The following SKOR2 variants were observed in gnomAD, a reference collection of about 807,000 sequenced individuals.
SKOR2 encodes SKI family transcriptional corepressor 2, also known as LBX1 corepressor 1-like protein.
SKOR2 carries 47 observed loss-of-function variants against 69.1 expected under a neutral mutation model. The observed-to-expected ratio is 0.68, with a 90% CI of 0.54 to 0.87. The LOEUF (loss-of-function observed/expected upper bound fraction) is 0.87. Ranked by LOEUF, SKOR2 falls within the 40% of genes least tolerant of loss-of-function variation. The pLI, the probability that SKOR2 is intolerant of heterozygous loss-of-function variation, is 0.00. For synonymous variants in SKOR2, 717 were observed against 672.6 expected (o/e 1.07, Z -1.02); for missense variants, 1,404 against 1,472.2 (o/e 0.95, Z 0.76).
chr18:47,220,216 A>C (rs1377355827), intron 6 of SKOR2, among the ~76,000 whole-genome samples: 2 of 152,074 alleles, frequency 1.3e-5, no homozygotes, highest in African/African-American at 4.8e-5. Flanking sequence ...AGTGTGTCTT[A>C]TATTTTACAG....
In SKOR2 at chr18:47,246,580, G is replaced by C. The variant is rs988969931; in HGVS notation, c.2604C>G (p.Ser868=). ...VHHPSLEEQP[S]YKDSQKTKEN... is the part of the protein sequence containing the mutation. ...TAAAGGGGATATTTACATCTTTGTA[G>C]GAGGGCTGCTCCTCCAGTGATGGAT... The change falls in exon 2 of 9, where the codon TCC becomes TCG. Residue 868 remains serine, a synonymous_variant. Transcript: ENST00000425639. The C allele has an allele frequency of 2.6e-6, 4 of 1,516,806 alleles. No homozygotes were observed. In the African/African-American group the frequency reaches 5.7e-5, roughly 22 times the overall value. The allele number at this position is 1,516,806 out of a possible 1,614,324, so 94.0% of individuals were successfully genotyped here.
At position 47,247,246 on chromosome 18, in the gene SKOR2, C is replaced by A. The variant is rs890533819; in HGVS notation, c.1938G>T (p.Ala646=). The A allele has an allele frequency of 1.4e-6, 2 of 1,469,580 alleles. No individual in the cohort carries two copies. Among genetic ancestry groups the A allele is most frequent in the South Asian group, 1.3e-5 (1 of 77,834 alleles). The allele number at this position is 1,469,580 out of a possible 1,614,324, so 91.0% of individuals were successfully genotyped here. ...GGGGATGCGTCTGGGCCGAGTGGGG[C>A]GCGCCCGCCGACGCCCCGTGCAGCT... is the stretch of plus-strand genomic sequence containing the variant. ...LAKLHGASAG[A]PHSAQTHPHH... is the part of the protein sequence containing the mutation. The change falls in exon 2 of 9, where the codon GCG becomes GCT. Residue 646 remains alanine (A), a synonymous_variant. Transcript: ENST00000425639. The surrounding 1 kb of genome is among the most constrained non-coding windows in gnomAD (Gnocchi z 6.6).
Position 47,247,498 on chromosome 18 carries a change from C to A in SKOR2, c.1686G>T (p.Pro562=). ...GSRDALFESP[P]GGSGGDCSAG... The stretch of plus-strand genomic sequence containing the variant: ...CGCTGCAGTCCCCGCCGCTGCCGCC[C>A]GGGGGCGACTCGAAGAGCGCGTCGC... The change falls in exon 2 of 9, where the codon CCG becomes CCT. Residue 562 remains proline, a synonymous_variant. Transcript: ENST00000425639. The surrounding 1 kb of genome is among the most constrained non-coding windows in gnomAD (Gnocchi z 6.6). The A allele has an allele frequency of 8.3e-7, 1 of 1,208,710 alleles. No homozygotes were observed. Among genetic ancestry groups the A allele is most frequent in the South Asian group, 4.1e-5 (1 of 24,328 alleles). 74.9% of individuals were successfully genotyped at this position (1,208,710 alleles called of 1,614,324 possible). A position where few individuals can be genotyped will look rare whatever the true frequency, so the allele number is the denominator to read the frequency against.
intron 4 of SKOR2, among the ~76,000 whole-genome samples, chr18:47,233,985 CAG>C (rs1177908948): frequency 6.6e-6 from 1 of 152,128 alleles, no homozygotes; most frequent in East Asian, 1.9e-4. Context: ...CTATTTCAAA[CAG>C]ATATTTTGCT....
At chr18:47,210,782 C>T (rs566481808) in intron 8 of SKOR2, among the ~76,000 whole-genome samples, 1 of 152,128 alleles carries the variant, frequency 6.6e-6, no homozygotes, top group Non-Finnish European at 1.5e-5. Context: ...ACTCTCTGAG[C>T]ACCTCTGTTG....
intron 6 of SKOR2, among the ~76,000 whole-genome samples, chr18:47,229,373 G>C (rs1367087321): frequency 1.3e-5 from 2 of 152,076 alleles, no homozygotes; most frequent in African/African-American, 2.4e-5. Context: ...AAGTTTGCAG[G>C]CCAGGCACAG....
At chr18:47,246,480 T>C in intron 2 of SKOR2, 91 bp downstream of exon 2, 1 of 1,354,440 alleles carries the variant, frequency 7.4e-7, no homozygotes, top group Non-Finnish European at 9.6e-7. Context: ...ATCTGGTGAT[T>C]CATCTTTCCT....
At position 47,248,034 on chromosome 18, in the gene SKOR2, G is replaced by A. The variant is rs1164464337; in HGVS notation, c.1150C>T (p.Pro384Ser). Residue 384 changes from proline to serine, a missense_variant, in exon 2 of 9, where the codon CCG (proline) becomes TCG (serine). Pro to Ser is a moderately conservative substitution (Grantham distance 74). Around this residue, in one of 3 missense-constraint regions of SKOR2, gnomAD observed 1,266 missense variants for 1,309.9 expected, o/e 0.97. Coordinates refer to ENST00000425639, the MANE Select transcript of SKOR2 (RefSeq NM_001278063.4). The surrounding 1 kb of genome is among the most constrained non-coding windows in gnomAD (Gnocchi z 6.4). ...CCGAACGAGCCCTTGCTGGGCACCG[G>A]GATGACTGGGTAGCTGCGCGGGCCT... ...AKGPRSYPVI[P>S]VPSKGSFGGV... 1 of 1,441,010 alleles carries A rather than the reference G, an allele frequency of 6.9e-7. No homozygotes were observed. The highest frequency in any genetic ancestry group is 9.1e-7 in the Non-Finnish European group (1 of 1,098,502). 89.3% of individuals were successfully genotyped at this position (1,441,010 alleles called of 1,614,324 possible).
At chr18:47,250,934 A>G (rs115875745) in intron 1 of SKOR2, among the ~76,000 whole-genome samples, 1,992 of 152,158 alleles carry the variant, frequency 0.013, 45 homozygotes, top group African/African-American at 0.045. Flanking sequence ...ACCCTGGGAT[A>G]ATTCCAACTC....
chr18:47,223,085 C>T (rs1600029841), intron 6 of SKOR2, among the ~76,000 whole-genome samples: 1 of 152,084 alleles, frequency 6.6e-6, no homozygotes, highest in East Asian at 1.9e-4. Context: ...TTAAACTCCC[C>T]AAACATAAAA....
At position 47,249,122 on chromosome 18, in the gene SKOR2, A is replaced by G. The variant is rs1207463722; in HGVS notation, c.62T>C (p.Phe21Ser). ...DILLASPSSA[F>S]QPDTLSQPRP... is the part of the protein sequence containing the mutation. ...CGGCTGGCTCAGCGTGTCGGGCTGG[A>G]AGGCGCTCGACGGCGACGCCAGCAG... Residue 21 changes from phenylalanine to serine, a missense_variant, in exon 2 of 9, where the codon TTC (phenylalanine) becomes TCC (serine). This residue lies in a region of SKOR2 where 104 missense variants were observed against 95.7 expected (regional missense o/e 1.09). Coordinates refer to ENST00000425639, the MANE Select transcript of SKOR2 (RefSeq NM_001278063.4). The G allele has an allele frequency of 6.5e-7, 1 of 1,535,934 alleles. No homozygotes were observed. The highest frequency in any genetic ancestry group is 1.2e-5 in the South Asian group (1 of 84,034).
chr18:47,251,151 T>A (rs982313544), intron 1 of SKOR2, among the ~76,000 whole-genome samples: 1 of 151,870 alleles, frequency 6.6e-6, no homozygotes, highest in Non-Finnish European at 1.5e-5. Context: ...AAGAGACAAT[T>A]AAAAGTTAGT....
At position 47,230,508 on chromosome 18, in the gene SKOR2, C is replaced by T; in HGVS notation, c.2868G>A (p.Leu956=). Residue 956 remains leucine (L), a synonymous_variant, in exon 6 of 9, where the codon CTG becomes CTA. Transcript: ENST00000425639. The part of the protein sequence containing the change: ...LFEQIDLRRR[L]EQEFQVLKGN... ...CTTTTAACACCTGGAATTCTTGTTC[C>T]AGTCGTCTCCGTAAATCTATTTGTT... is the stretch of plus-strand genomic sequence containing the variant. 4.1e-6 allele frequency: 6 copies of T among 1,447,988 alleles called. No homozygotes were observed. The highest frequency in any genetic ancestry group is 1.5e-5 in the South Asian group (1 of 65,878). 89.7% of individuals were successfully genotyped at this position (1,447,988 alleles called of 1,614,324 possible).
At position 47,206,758 on chromosome 18, in the gene SKOR2, G is replaced by C. The variant is rs1380144818; in HGVS notation, c.*138C>G. 6.6e-6 allele frequency: 1 copy of C among 152,070 alleles called. No individual in the cohort carries two copies. The highest frequency in any genetic ancestry group is 1.5e-5 in the Non-Finnish European group (1 of 68,078). The allele number at this position is 152,070 out of a possible 1,614,324, so 9.4% of individuals were successfully genotyped here. On this transcript the variant is annotated 3_prime_UTR_variant, in exon 9 of 9. Transcript: ENST00000425639. ...TGTCCATGCTGTTTTGAGGTCACTT[G>C]TCCTTAGGTTCTCCTGAACCTGATT...
intron 8 of SKOR2, among the ~76,000 whole-genome samples, chr18:47,209,353 C>G (rs1047652987): frequency 6.6e-6 from 1 of 152,178 alleles, no homozygotes; most frequent in Non-Finnish European, 1.5e-5. Context: ...CCTGTGGTCA[C>G]TCTGCAAGAC....
In SKOR2 at chr18:47,248,251, G is replaced by C; in HGVS notation, c.933C>G (p.Phe311Leu). Residue 311 changes from phenylalanine to leucine, a missense_variant, in exon 2 of 9, where the codon TTC becomes TTG. Phe to Leu is a conservative substitution (Grantham distance 22). Around this residue, in one of 3 missense-constraint regions of SKOR2, gnomAD observed 1,266 missense variants for 1,309.9 expected, o/e 0.97. Coordinates refer to ENST00000425639, the MANE Select transcript of SKOR2 (RefSeq NM_001278063.4). The surrounding 1 kb of genome is among the most constrained non-coding windows in gnomAD (Gnocchi z 6.4). ...CCTGCAAGGAGTCGTCGTCGTCGTC[G>C]AAGCGCGGCCGCTTGTGATGGGCGT... ...APHAHHKRPR[F>L]DDDDDSLQEA... The C allele has an allele frequency of 3.3e-6, 4 of 1,222,316 alleles. No homozygotes were observed. Among genetic ancestry groups the C allele is most frequent in the Non-Finnish European group, 4.1e-6 (4 of 983,518 alleles). 75.7% of individuals were successfully genotyped at this position (1,222,316 alleles called of 1,614,324 possible).
rs1389300633 is a variant in SKOR2, at chr18:47,248,375, ACCGCGGCCG to A, written c.800_808del (p.Ala267_Ala269del). The stretch of plus-strand genomic sequence containing the variant: ...GCCCAGCAGACCCCCGCCTCCGGCC[ACCGCGGCCG>A]CGGCGGCCACGGCGGCCGCCTTCAC... On this transcript the variant is annotated inframe_deletion, in exon 2 of 9. Coordinates refer to ENST00000425639, the MANE Select transcript of SKOR2 (RefSeq NM_001278063.4). This position sits in a 1 kb window ranked among gnomAD's most constrained non-coding sequence, Gnocchi z 6.4. 3 of 1,288,894 alleles carry A rather than the reference ACCGCGGCCG, an allele frequency of 2.3e-6. No individual in the cohort carries two copies. The highest frequency in any genetic ancestry group is 2.9e-6 in the Non-Finnish European group (3 of 1,027,696). 79.8% of individuals were successfully genotyped at this position (1,288,894 alleles called of 1,614,324 possible).
chr18:47,245,525 A>G lies in SKOR2; in HGVS notation c.2650T>C (p.Ser884Pro), dbSNP rs2064269003. ...GAAAAGCTGTTGTCATCCTTTGTAGATACAATTACTTGGTTATTTTCCTTA... is the reference window on the plus strand; with the variant it reads ...GAAAAGCTGTTGTCATCCTTTGTAGGTACAATTACTTGGTTATTTTCCTTA... ...KTKENNQVIV[S>P]TKDDNSFSDK... Residue 884 changes from serine to proline, a missense_variant, in exon 3 of 9, where the codon TCT (serine) becomes CCT (proline). Ser to Pro is a moderately conservative substitution (Grantham distance 74, BLOSUM62 -1). This residue lies in a region of SKOR2 where 1,266 missense variants were observed against 1,309.9 expected (regional missense o/e 0.97). Transcript: ENST00000425639. 6 of 1,350,410 alleles carry G rather than the reference A, an allele frequency of 4.4e-6. No homozygotes were observed. The South Asian group carries it at 6.9e-5, about 16-fold the overall frequency. 83.7% of individuals were successfully genotyped at this position (1,350,410 alleles called of 1,614,324 possible).
chr18:47,231,537 GT>G (rs200401510), intron 4 of SKOR2, among the ~76,000 whole-genome samples: 1 of 150,960 alleles, frequency 6.6e-6, no homozygotes, highest in Non-Finnish European at 1.5e-5. Flanking sequence ...TTGATAGTTT[GT>G]TTTTTTTTAA....
Sources: gnomAD v4.1 joint callset for allele counts (sites outside exome capture counted in the v4.1 genomes callset) on GRCh38, gnomAD v4.1.1 for gene constraint, gnomAD v4.1.1 regional missense constraint, Gnocchi (gnomAD v3.1) non-coding constraint, MANE v1.5 for transcripts, NCBI Gene and HGNC (gene_info 2026-07-23, HGNC 2026-07-21) for gene names.